The following USH2A variants were observed in gnomAD, a reference collection of about 807,000 sequenced individuals.
The protein encoded by USH2A is usherin, also known as Usher syndrome 2A (autosomal recessive, mild).
In USH2A, 443 loss-of-function variants were observed where a neutral mutation model predicts 538.9. That is an observed-to-expected ratio of 0.82 (90% CI 0.76 to 0.89). The LOEUF (loss-of-function observed/expected upper bound fraction) is 0.89. Among genes scored for constraint, USH2A ranks in the 40% least tolerant of loss-of-function variants. USH2A has a pLI of 0.00. For synonymous variants in USH2A, 2,413 were observed against 2,273.5 expected, an observed-to-expected ratio of 1.06 and a Z score of -1.75; for missense variants, 6,633 against 6,324.8, an observed-to-expected ratio of 1.05 and a Z score of -1.65.
chr1:216,249,014 T>A (rs903981896), intron 12 of USH2A, among the ~76,000 whole-genome samples: 14 of 152,142 alleles, frequency 9.2e-5, no homozygotes, highest in South Asian at 6.2e-4. Context: ...ACAGTTTTGT[T>A]AACTCTAACA....
intron 2 of USH2A, among the ~76,000 whole-genome samples, chr1:216,420,107 T>C (rs1328172848): frequency 6.6e-6 from 1 of 152,124 alleles, no homozygotes; most frequent in Non-Finnish European, 1.5e-5. Flanking sequence ...ATATTTCTAA[T>C]TTACTGAAGT....
intron 30 of USH2A, among the ~76,000 whole-genome samples, chr1:216,063,265 T>C (rs768731078): frequency 1.2e-4 from 18 of 152,212 alleles, no homozygotes; most frequent in Non-Finnish European, 2.9e-5. Context: ...TCCAGCTTTC[T>C]GGCTCTCTGC....
chr1:215,877,294 C>A (rs1474628351), intron 43 of USH2A, among the ~76,000 whole-genome samples: 1 of 152,188 alleles, frequency 6.6e-6, no homozygotes, highest in Non-Finnish European at 1.5e-5. Flanking sequence ...AGATTGAATT[C>A]TTTCAAGTCC....
At chr1:216,073,520 G>T (rs922240980) in intron 27 of USH2A, among the ~76,000 whole-genome samples, 4 of 152,208 alleles carry the variant, frequency 2.6e-5, no homozygotes, top group Middle Eastern at 3.4e-3. Context: ...ACACATTAAT[G>T]GATAATTCTA....
Position 216,251,061 on chromosome 1 carries a change from C to CCAGACACGTGT in USH2A, c.1998_2008dup (p.Gly670AspfsTer90). ...ATTCTGGCACTGATTGCACTGCCTG[C>CCAGACACGTGT]CAGACACGTGTCTCTTACAATTACA... is the stretch of plus-strand genomic sequence containing the variant. On this transcript the variant is annotated frameshift_variant, in exon 12 of 72. Transcript: ENST00000307340. LOFTEE classifies it high-confidence loss of function. The CCAGACACGTGT allele has an allele frequency of 6.2e-7, 1 of 1,614,006 alleles. No individual in the cohort carries two copies. Among genetic ancestry groups the CCAGACACGTGT allele is most frequent in the Non-Finnish European group, 8.5e-7 (1 of 1,179,984 alleles).
At chr1:216,127,540 A>C (rs1163800141) in intron 21 of USH2A, among the ~76,000 whole-genome samples, 1 of 152,160 alleles carries the variant, frequency 6.6e-6, no homozygotes. Flanking sequence ...CTCTCAGGGC[A>C]ATGTTACCAC....
chr1:215,643,526 C>CT (rs113657135), intron 67 of USH2A, among the ~76,000 whole-genome samples: 207 of 143,894 alleles, frequency 1.4e-3, no homozygotes, highest in Middle Eastern at 3.7e-3. Flanking sequence ...AGATAAAATC[C>CT]TTTTTTTTTT....
chr1:215,764,101 A>G (rs189504227), intron 56 of USH2A, among the ~76,000 whole-genome samples: 1 of 152,134 alleles, frequency 6.6e-6, no homozygotes, highest in African/African-American at 2.4e-5. Flanking sequence ...GTAGACCAGT[A>G]AATACATAGG....
intron 32 of USH2A, among the ~76,000 whole-genome samples, chr1:216,033,157 G>T (rs74143911): frequency 0.15 from 22,231 of 152,182 alleles, 1,715 homozygotes; most frequent in Middle Eastern, 0.21. Context: ...ATCTGAATCT[G>T]CATCTGCCTG....
intron 50 of USH2A, among the ~76,000 whole-genome samples, chr1:215,797,495 ACT>A (rs936158522): frequency 2.5e-4 from 38 of 151,972 alleles, no homozygotes; most frequent in African/African-American, 8.9e-4. Flanking sequence ...GGACAGGTTG[ACT>A]CTCCTGCTGG....
intron 3 of USH2A, among the ~76,000 whole-genome samples, chr1:216,401,857 G>A (rs138503129): frequency 6.6e-6 from 1 of 152,046 alleles, no homozygotes; most frequent in African/African-American, 2.4e-5. Context: ...AATCAGGGAC[G>A]TCAACAGCAA....
intron 8 of USH2A, 45 bp from the exon 9 acceptor site, chr1:216,322,021 CTG>C: frequency 1.3e-6 from 2 of 1,572,436 alleles, no homozygotes; most frequent in Non-Finnish European, 1.8e-6. Flanking sequence ...ACCAACTCAA[CTG>C]TGAATATATT....
intron 62 of USH2A, among the ~76,000 whole-genome samples, chr1:215,678,994 G>C (rs999172259): frequency 1.3e-5 from 2 of 152,180 alleles, no homozygotes; most frequent in African/African-American, 4.8e-5. Context: ...GTGCCTTGGG[G>C]CCGTGATTTG....
intron 21 of USH2A, among the ~76,000 whole-genome samples, chr1:216,140,048 T>G (rs1364956538): frequency 1.3e-5 from 2 of 152,246 alleles, no homozygotes; most frequent in Non-Finnish European, 2.9e-5. Flanking sequence ...GCTCTAAATA[T>G]GTTTAAAATA....
chr1:216,101,017 A>C (rs1449787250), intron 21 of USH2A, among the ~76,000 whole-genome samples: 1 of 152,188 alleles, frequency 6.6e-6, no homozygotes, highest in Admixed American at 6.5e-5. Context: ...TGTATGTGAG[A>C]CTTTCCCACA....
Position 215,634,384 on chromosome 1 carries a change from C to A in USH2A, c.15297+75G>T, listed in dbSNP as rs537509079. On this transcript the variant is annotated intron_variant, in intron 70 of 71. Coordinates refer to ENST00000307340, the MANE Select transcript of USH2A (RefSeq NM_206933.4). ...TAATTCCTTGTTACCATGGCTATGA[C>A]ACATTTTTCTCAGAAGGAAAACAAG... The A allele has an allele frequency of 5.6e-6, 9 of 1,607,792 alleles. No individual in the cohort carries two copies. In the Admixed American group the frequency reaches 1.5e-4, roughly 27 times the overall value.
chr1:216,336,267 A>C (rs1243854497), intron 4 of USH2A, among the ~76,000 whole-genome samples: 1 of 151,438 alleles, frequency 6.6e-6, no homozygotes, highest in Non-Finnish European at 1.5e-5. Context: ...TCATCTAATA[A>C]AGGGTATCTG....
intron 32 of USH2A, among the ~76,000 whole-genome samples, chr1:216,020,349 A>G (rs1293776158): frequency 2.0e-5 from 3 of 152,154 alleles, no homozygotes; most frequent in Non-Finnish European, 2.9e-5. Flanking sequence ...ATTACCCTAC[A>G]TAGTATGGGT....
chr1:216,261,682 T>G (rs1346682366), intron 11 of USH2A, among the ~76,000 whole-genome samples: 1 of 152,114 alleles, frequency 6.6e-6, no homozygotes, highest in Non-Finnish European at 1.5e-5. Flanking sequence ...AACCAACATG[T>G]GCCTATGCCC....
Sources: gnomAD v4.1 joint callset for allele counts (sites outside exome capture counted in the v4.1 genomes callset) on GRCh38, gnomAD v4.1.1 for gene constraint, MANE v1.5 for transcripts, NCBI Gene and HGNC (gene_info 2026-07-23, HGNC 2026-07-21) for gene names.